The following RBM19 variants were observed in gnomAD, a reference collection of about 807,000 sequenced individuals.
RBM19 encodes the protein probable RNA-binding protein 19.
A neutral mutation model predicts 116.8 loss-of-function variants in RBM19; 94 were observed. The ratio of observed to expected loss-of-function variants is 0.80; its 90% CI spans 0.68 to 0.95. The LOEUF (loss-of-function observed/expected upper bound fraction) is 0.95, where lower values mean the gene tolerates loss of function less well. RBM19 is among the 40% of genes least tolerant of loss of function. The pLI, the probability that RBM19 is intolerant of heterozygous loss-of-function variation, is 0.00. For synonymous variants in RBM19, 475 were observed against 494.1 expected, an observed-to-expected ratio of 0.96 and a Z score of 0.51; for missense variants, 1,161 against 1,220.7, an observed-to-expected ratio of 0.95 and a Z score of 0.73.
chr12:113,858,332 G>A (rs1338396593), intron 22 of RBM19, among the ~76,000 whole-genome samples: 1 of 152,216 alleles, frequency 6.6e-6, no homozygotes. Context: ...CAAAACAGAA[G>A]CCCTGGCCAT....
chr12:113,889,942 C>T (rs1210385202), intron 21 of RBM19, among the ~76,000 whole-genome samples: 1 of 152,106 alleles, frequency 6.6e-6, no homozygotes, highest in African/African-American at 2.4e-5. Context: ...CCTCAGCGCT[C>T]AGATCCGCAC....
chr12:113,828,821 A>G (rs1288887801), intron 23 of RBM19, among the ~76,000 whole-genome samples: 1 of 152,046 alleles, frequency 6.6e-6, no homozygotes, highest in Non-Finnish European at 1.5e-5. Flanking sequence ...CTGGCTTCAT[A>G]TCTTGCAGCC....
chr12:113,882,714 C>T (rs888403836), intron 21 of RBM19, among the ~76,000 whole-genome samples: 1 of 152,216 alleles, frequency 6.6e-6, no homozygotes, highest in Non-Finnish European at 1.5e-5. Flanking sequence ...TCTTAACCCT[C>T]TGGACTCCCA....
intron 4 of RBM19, 90 bp downstream of exon 4, chr12:113,959,775 A>G: frequency 6.7e-7 from 1 of 1,481,648 alleles, no homozygotes; most frequent in Non-Finnish European, 9.3e-7. Flanking sequence ...CCTAGCCTCC[A>G]CCCTCTCCCA....
intron 16 of RBM19, among the ~76,000 whole-genome samples, chr12:113,934,953 G>A (rs999522203): frequency 1.3e-5 from 2 of 152,196 alleles, no homozygotes; most frequent in Non-Finnish European, 2.9e-5. Flanking sequence ...GCTTCCCTAT[G>A]CCTGGGCCCC....
chr12:113,937,203 C>A, intron 15 of RBM19, 67 bp from the exon 16 acceptor site: 1 of 1,577,600 alleles, frequency 6.3e-7, no homozygotes, highest in South Asian at 1.2e-5. Flanking sequence ...GGGACTCAGT[C>A]CCATGCAGAT....
intron 21 of RBM19, among the ~76,000 whole-genome samples, chr12:113,862,964 C>A (rs984338178): frequency 1.3e-5 from 2 of 152,168 alleles, no homozygotes; most frequent in African/African-American, 2.4e-5. Context: ...AGCCCCACCC[C>A]CTCTGCCATG....
intron 22 of RBM19, among the ~76,000 whole-genome samples, chr12:113,849,534 TG>T (rs1209158555): frequency 8.5e-5 from 13 of 152,256 alleles, no homozygotes; most frequent in Non-Finnish European, 1.3e-4. Context: ...TCCAGACGAG[TG>T]GGACATTTGG....
intron 23 of RBM19, among the ~76,000 whole-genome samples, chr12:113,831,929 G>A (rs1875453383): frequency 6.6e-6 from 1 of 152,182 alleles, no homozygotes; most frequent in Admixed American, 6.5e-5. Context: ...GAAGGATCTT[G>A]CTCTCTGATC....
intron 23 of RBM19, among the ~76,000 whole-genome samples, chr12:113,838,144 G>A (rs1474393253): frequency 6.6e-6 from 1 of 152,208 alleles, no homozygotes; most frequent in African/African-American, 2.4e-5. Flanking sequence ...AGGACACTGG[G>A]AGGGAACCCA....
At chr12:113,889,617 TTCTAGTGTCGCTGACA>T (rs1261716342) in intron 21 of RBM19, among the ~76,000 whole-genome samples, 6 of 151,966 alleles carry the variant, frequency 3.9e-5, no homozygotes, top group Non-Finnish European at 7.4e-5. Context: ...CACATCTGCT[TTCTAGTGTCGCTGACA>T]TTTGTTTTTC....
chr12:113,927,011 T>C, intron 17 of RBM19, 43 bp downstream of exon 17: 1 of 1,582,608 alleles, frequency 6.3e-7, no homozygotes, highest in Non-Finnish European at 8.6e-7. Context: ...GACTGGGGTT[T>C]CCCATCCCAC....
Position 113,915,060 on chromosome 12 carries a change from T to C in RBM19, c.2467A>G (p.Lys823Glu). ...GTGGTCTGCTTTCTGGGAACTTGTT[T>C]CTTCCGAGCCAATGTCACGGCTGGC... ...TKPAVTLARK[K>E]QVPRKQTTSK... The change falls in exon 21 of 24, where the codon AAA becomes GAA. Residue 823 changes from lysine (K) to glutamate (E), a missense_variant. Physicochemically the swap from Lys to Glu is moderately conservative, Grantham distance 56 (BLOSUM62 1). Coordinates refer to ENST00000261741, the MANE Select transcript of RBM19 (RefSeq NM_016196.4). 6.2e-7 allele frequency: 1 copy of C among 1,614,146 alleles called. No individual in the cohort carries two copies.
chr12:113,936,489 A>G (rs528508094), intron 16 of RBM19, among the ~76,000 whole-genome samples: 2 of 152,376 alleles, frequency 1.3e-5, no homozygotes, highest in African/African-American at 4.8e-5. Context: ...TCCTGACAAG[A>G]AAGTACTGTC....
chr12:113,893,543 C>T (rs908449699), intron 21 of RBM19, among the ~76,000 whole-genome samples: 1 of 152,162 alleles, frequency 6.6e-6, no homozygotes, highest in African/African-American at 2.4e-5. Context: ...TCATTTAGCC[C>T]GCCCTGTCTC....
intron 8 of RBM19, among the ~76,000 whole-genome samples, chr12:113,951,538 AAC>A (rs1871461371): frequency 1.3e-5 from 2 of 150,128 alleles, no homozygotes; most frequent in Non-Finnish European, 3.0e-5. Context: ...CACACACACA[AAC>A]ACACACACAC....
rs969706210 is a variant in RBM19 at position 113,843,103 on chromosome 12, C to T, written c.2785+1565G>A. On this transcript the variant is annotated intron_variant, in intron 23 of 23. Coordinates refer to ENST00000261741, the MANE Select transcript of RBM19 (RefSeq NM_016196.4). ...GCTTCTCAGAAGCCCAGTCGTTTCG[C>T]CCTAAGCAAGACCAGTGGCCCCACT... is the stretch of plus-strand genomic sequence containing the variant. 3.9e-5 allele frequency among the ~76,000 whole-genome samples: 6 copies of T among 152,214 alleles called. No homozygotes were observed. In the East Asian group the frequency reaches 1.2e-3, roughly 29 times the overall value.
chr12:113,843,409 G>A (rs538803976), intron 23 of RBM19, among the ~76,000 whole-genome samples: 1 of 152,300 alleles, frequency 6.6e-6, no homozygotes, highest in Admixed American at 6.5e-5. Context: ...ACAATGAGGT[G>A]GGGAGGAATG....
chr12:113,879,027 T>G (rs1037758482), intron 21 of RBM19, among the ~76,000 whole-genome samples: 3 of 152,160 alleles, frequency 2.0e-5, no homozygotes, highest in Non-Finnish European at 4.4e-5. Context: ...CCCCGCCGTC[T>G]TGCAGTGTGG....
Sources: allele counts gnomAD v4.1 joint callset (sites outside exome capture counted in the v4.1 genomes callset), GRCh38; gene constraint gnomAD v4.1.1; transcripts MANE v1.5; gene names NCBI Gene and HGNC (gene_info 2026-07-23, HGNC 2026-07-21).